The following BAZ2B variants were observed in gnomAD, a reference collection of about 807,000 sequenced individuals.
The protein encoded by BAZ2B is bromodomain adjacent to zinc finger domain protein 2B.
A neutral mutation model predicts 246.0 loss-of-function variants in BAZ2B; 91 were observed. The ratio of observed to expected loss-of-function variants is 0.37; its 90% CI spans 0.31 to 0.44. BAZ2B has a LOEUF of 0.44. Among genes scored for constraint, BAZ2B ranks in the 20% least tolerant of loss-of-function variants. BAZ2B has a pLI of 1.00. For missense variants in BAZ2B, 2,332 were observed against 2,533.7 expected, an observed-to-expected ratio of 0.92 and a Z score of 1.71; for synonymous variants, 855 against 860.0, an observed-to-expected ratio of 0.99 and a Z score of 0.10.
At chr2:159,686,621 AAT>A in the BAZ2B span, among the ~76,000 whole-genome samples, 2 of 151,848 alleles carry the variant, frequency 1.3e-5, no homozygotes, top group Non-Finnish European at 2.9e-5. Context: ...ATATTAAAAA[AAT>A]AATAAGTGAA....
chr2:159,368,140 A>G (rs2149358566), intron 27 of BAZ2B, among the ~76,000 whole-genome samples: 1 of 152,262 alleles, frequency 6.6e-6, no homozygotes. Context: ...ATTCTTTTGC[A>G]TCTTGTTTTG....
At chr2:159,348,491 A>T (rs1046325926) in intron 30 of BAZ2B, among the ~76,000 whole-genome samples, 187 bp downstream of exon 30, 2 of 152,126 alleles carry the variant, frequency 1.3e-5, no homozygotes, top group African/African-American at 4.8e-5. Flanking sequence ...TAAGAAAAAA[A>T]AGCCTGTATA....
Position 159,562,966 on chromosome 2 carries a change from C to T in BAZ2B, c.-45-7101G>A, listed in dbSNP as rs140119790. Among the ~76,000 whole-genome samples the T allele has an allele frequency of 9.6e-3, 1,461 of 152,208 alleles. 24 individuals carry two copies. Among genetic ancestry groups the T allele is most frequent in the African/African-American group, 0.034 (1,414 of 41,544 alleles). The stretch of plus-strand genomic sequence containing the variant: ...GTTTTCAAGCACCATAGCTAAAGAA[C>T]AGACATGATGCTATTCCAACCCACA... On this transcript the variant is annotated intron_variant, in intron 1 of 36. Transcript: ENST00000392783.
At chr2:159,357,180 A>G (rs2059205841) in intron 27 of BAZ2B, among the ~76,000 whole-genome samples, 1 of 152,076 alleles carries the variant, frequency 6.6e-6, no homozygotes, top group South Asian at 2.1e-4. Flanking sequence ...AACTCCTCTG[A>G]GCTAAAGGAG....
At chr2:159,555,419 C>T (rs2151468364) in intron 2 of BAZ2B, 1 of 152,136 alleles carries the variant, frequency 6.6e-6, no homozygotes, top group East Asian at 1.9e-4. Context: ...ATAATCTTTC[C>T]TTAATAATTC....
rs146709496 is a variant in BAZ2B at position 159,408,255 on chromosome 2, C to T, written c.2678-3141G>A. On this transcript the variant is annotated intron_variant, in intron 14 of 36. Coordinates refer to ENST00000392783, the MANE Select transcript of BAZ2B (RefSeq NM_013450.4). ...TGGTATGATCATAGCTTGCTGTAGCCTCCAACTCCTGGGCTCAAGTGATCC... is the reference window on the plus strand; with the variant it reads ...TGGTATGATCATAGCTTGCTGTAGCTTCCAACTCCTGGGCTCAAGTGATCC... 4.7e-4 allele frequency among the ~76,000 whole-genome samples: 72 copies of T among 152,286 alleles called. No individual in the cohort carries two copies. In the East Asian group the frequency reaches 0.013, roughly 28 times the overall value.
chr2:159,392,561 T>G (rs1187225083), intron 20 of BAZ2B, among the ~76,000 whole-genome samples: 1 of 152,144 alleles, frequency 6.6e-6, no homozygotes, highest in African/African-American at 2.4e-5. Context: ...ATTTCCCCCC[T>G]GGACACCTGG....
At chr2:159,711,888 G>C in the BAZ2B span, 2 of 152,070 alleles carry the variant, frequency 1.3e-5, no homozygotes, top group Admixed American at 6.6e-5. Context: ...GATTTTAAAA[G>C]ACATGATCAC....
At chr2:159,500,148 T>C (rs560420202) in intron 2 of BAZ2B, among the ~76,000 whole-genome samples, 21 of 152,316 alleles carry the variant, frequency 1.4e-4, no homozygotes, top group African/African-American at 5.1e-4. Flanking sequence ...TTTATAGTTT[T>C]GGGTTTTACA....
At chr2:159,570,966 G>A (rs1683861466) in intron 1 of BAZ2B, among the ~76,000 whole-genome samples, 1 of 152,088 alleles carries the variant, frequency 6.6e-6, no homozygotes, top group Non-Finnish European at 1.5e-5. Flanking sequence ...AGATTTTCCT[G>A]CCTCAGACTC....
chr2:159,536,750 G>C (rs1055030587), intron 2 of BAZ2B, among the ~76,000 whole-genome samples: 1 of 151,820 alleles, frequency 6.6e-6, no homozygotes, highest in Non-Finnish European at 1.5e-5. Context: ...CCAATGTTAA[G>C]AAAAAAAGTA....
At chr2:159,553,114 C>A (rs1300122734) in intron 2 of BAZ2B, among the ~76,000 whole-genome samples, 1 of 151,868 alleles carries the variant, frequency 6.6e-6, no homozygotes, top group African/African-American at 2.4e-5. Flanking sequence ...CTGAAGACAG[C>A]CTGGGCACAG....
At position 159,482,690 on chromosome 2, in the gene BAZ2B, C is replaced by T. The variant is rs75981883; in HGVS notation, c.-2-3969G>A. On this transcript the variant is annotated intron_variant, in intron 2 of 36. Coordinates refer to ENST00000392783, the MANE Select transcript of BAZ2B (RefSeq NM_013450.4). Reference sequence around the variant, plus strand: ...GTACCGATATCAATGTGGTAAGGTACGTTATCTTAAAATTTTCCAAATAAG... The same window carrying T: ...GTACCGATATCAATGTGGTAAGGTATGTTATCTTAAAATTTTCCAAATAAG... Among the ~76,000 whole-genome samples, 20 of 152,038 alleles carry T rather than the reference C, an allele frequency of 1.3e-4. No homozygotes were observed. The East Asian group carries it at 3.1e-3, about 23-fold the overall frequency.
chr2:159,643,876 C>CAAAAAAAA, the BAZ2B span, among the ~76,000 whole-genome samples: 1 of 65,892 alleles, frequency 1.5e-5, no homozygotes, highest in African/African-American at 6.0e-5. Flanking sequence ...AACTCCATCA[C>CAAAAAAAA]AAAAAAAAAA....
the BAZ2B span, among the ~76,000 whole-genome samples, chr2:159,642,327 T>TC: frequency 6.7e-6 from 1 of 149,776 alleles, no homozygotes; most frequent in South Asian, 2.1e-4. Flanking sequence ...AACCTCTGCC[T>TC]CCTGGGTTCA....
rs141757243 is a variant in BAZ2B at position 159,494,452 on chromosome 2, A to G, written c.-2-15731T>C. Among the ~76,000 whole-genome samples the G allele has an allele frequency of 2.2e-4, 34 of 152,300 alleles. No homozygotes were observed. In the East Asian group the frequency reaches 6.2e-3, roughly 28 times the overall value. On this transcript the variant is annotated intron_variant, in intron 2 of 36. Transcript: ENST00000392783. ...TATATAAACTACTATTTATACATAT[A>G]AGTACATTTATATAAACATACACAC...
the BAZ2B span, among the ~76,000 whole-genome samples, chr2:159,706,565 T>A: frequency 6.6e-6 from 1 of 152,236 alleles, no homozygotes; most frequent in Non-Finnish European, 1.5e-5. Context: ...CGCGTGCGCA[T>A]GTGCACACTT....
rs766811132 is a variant in BAZ2B at position 159,549,824 on chromosome 2, CT to C, written c.-3+5998del. 7.4e-3 allele frequency among the ~76,000 whole-genome samples: 966 copies of C among 131,092 alleles called. 9 individuals are homozygous for C. The highest frequency in any genetic ancestry group is 0.024 in the Middle Eastern group (6 of 248). The allele number at this position is 131,092 out of a possible 152,430, so 86.0% of individuals were successfully genotyped here. Reference sequence around the variant, plus strand: ...CACACTGGCATAAACTTTTTTCTTTCTTTTTTTTTTTTTTTTTGATACAGAG... The same window carrying C: ...CACACTGGCATAAACTTTTTTCTTTCTTTTTTTTTTTTTTTTGATACAGAG... On this transcript the variant is annotated intron_variant, in intron 2 of 36. Transcript: ENST00000392783.
intron 27 of BAZ2B, among the ~76,000 whole-genome samples, chr2:159,350,874 G>C (rs1185161371): frequency 6.8e-6 from 1 of 147,180 alleles, no homozygotes; most frequent in Non-Finnish European, 1.5e-5. Flanking sequence ...CTCCCAGCCG[G>C]CATTAACATA....
Sources: gnomAD v4.1 joint callset for allele counts (sites outside exome capture counted in the v4.1 genomes callset) on GRCh38, gnomAD v4.1.1 for gene constraint, MANE v1.5 for transcripts, NCBI Gene and HGNC (gene_info 2026-07-23, HGNC 2026-07-21) for gene names.